ARHGEF33: variants seen among roughly 807,000 people sequenced by gnomAD.
ARHGEF33 encodes Rho guanine nucleotide exchange factor 33, also known as DH and coiled-coil domain-containing protein ENSP00000381780.
In ARHGEF33, 72 loss-of-function variants were observed where a neutral mutation model predicts 101.9. The ratio of observed to expected loss-of-function variants is 0.71; its 90% CI spans 0.58 to 0.86. The LOEUF (loss-of-function observed/expected upper bound fraction) is 0.86. Ranked by LOEUF, ARHGEF33 falls within the 40% of genes least tolerant of loss-of-function variation. ARHGEF33 has a pLI of 0.00. For synonymous variants in ARHGEF33, 499 were observed against 442.5 expected (o/e 1.13, Z -1.60); for missense variants, 1,169 against 1,111.3 (o/e 1.05, Z -0.74).
intron 7 of ARHGEF33, among the ~76,000 whole-genome samples, chr2:38,933,264 G>A (rs551096997): frequency 6.6e-6 from 1 of 152,280 alleles, no homozygotes; most frequent in South Asian, 2.1e-4. Context: ...GCAGGCTCCA[G>A]TTCTTGTAAC....
intron 17 of ARHGEF33, chr2:38,973,095 C>T (rs1183607791): frequency 6.6e-6 from 1 of 152,266 alleles, no homozygotes; most frequent in Non-Finnish European, 1.5e-5. Context: ...GAAGAATGCA[C>T]CCTCGACTGG....
Position 38,954,693 on chromosome 2 carries a change from G to T in ARHGEF33, c.1221+237G>T, listed in dbSNP as rs936848084. On this transcript the variant is annotated intron_variant, in intron 13 of 17. Coordinates refer to ENST00000409978, the MANE Select transcript of ARHGEF33 (RefSeq NM_001145451.5). The stretch of plus-strand genomic sequence containing the variant: ...CTGTCACCCAGGCTGGAGTACAGTG[G>T]TGTGATCTAGGCTCACTGCAACCTC... Among the ~76,000 whole-genome samples, 16 of 147,874 alleles carry T rather than the reference G, an allele frequency of 1.1e-4. 1 individual carries two copies. The East Asian group carries it at 2.8e-3, about 26-fold the overall frequency.
At chr2:38,968,795 G>C (rs142738189) in intron 17 of ARHGEF33, among the ~76,000 whole-genome samples, 145 of 152,348 alleles carry the variant, frequency 9.5e-4, no homozygotes, top group African/African-American at 3.3e-3. Flanking sequence ...TGGCTTTTTA[G>C]ATCTGGCCTA....
At chr2:38,945,972 C>G (rs1301180866) in intron 10 of ARHGEF33, among the ~76,000 whole-genome samples, 3 of 152,218 alleles carry the variant, frequency 2.0e-5, no homozygotes, top group Non-Finnish European at 4.4e-5. Context: ...CATCATACCA[C>G]TTCCCCAAAG....
At position 38,907,989 on chromosome 2, in the gene ARHGEF33, G is replaced by A. The variant is rs189645866; in HGVS notation, c.-85-11374G>A. ...TCCTCCCACCTCAGCCTCTCAACTT[G>A]CTGGGACTACAGGTGCATGCCAACA... On this transcript the variant is annotated intron_variant, in intron 2 of 17. Transcript: ENST00000409978. 2.9e-3 allele frequency among the ~76,000 whole-genome samples: 438 copies of A among 151,096 alleles called. 1 individual carries two copies. Among genetic ancestry groups the A allele is most frequent in the Non-Finnish European group, 4.8e-3 (323 of 67,852 alleles).
At chr2:38,964,965 G>T (rs1668021941) in intron 16 of ARHGEF33, among the ~76,000 whole-genome samples, 1 of 151,866 alleles carries the variant, frequency 6.6e-6, no homozygotes, top group South Asian at 2.1e-4. Context: ...TAGCTCCATG[G>T]TCTAGTTATG....
chr2:38,928,767 C>A, intron 4 of ARHGEF33, 140 bp from the exon 5 acceptor site: 2 of 715,296 alleles, frequency 2.8e-6, no homozygotes, highest in Non-Finnish European at 2.2e-6. Context: ...CTTAAGTTGT[C>A]CAAAGTGAAG....
Position 38,913,770 on chromosome 2 carries a change from G to GA in ARHGEF33, c.-85-5581dup, listed in dbSNP as rs539922559. Among the ~76,000 whole-genome samples, 170 of 131,772 alleles carry GA rather than the reference G, an allele frequency of 1.3e-3. 1 individual carries two copies. The highest frequency in any genetic ancestry group is 2.2e-3 in the African/African-American group (78 of 35,672). 86.4% of individuals were successfully genotyped at this position (131,772 alleles called of 152,430 possible). A position where few individuals can be genotyped will look rare whatever the true frequency, so the allele number is the denominator to read the frequency against. On this transcript the variant is annotated intron_variant, in intron 2 of 17. Coordinates refer to ENST00000409978, the MANE Select transcript of ARHGEF33 (RefSeq NM_001145451.5). ...GGGGACAGAGTAAGACTCTGTCTCA[G>GA]AAAAAAAAAAAATAAAAAGAATATT...
At chr2:38,956,808 C>T in intron 13 of ARHGEF33, 91 bp from the exon 14 acceptor site, 4 of 1,407,194 alleles carry the variant, frequency 2.8e-6, no homozygotes, top group Non-Finnish European at 3.9e-6. Context: ...GGCTATGAAT[C>T]TCCCACAATA....
chr2:38,917,530 CA>C (rs2124990002), intron 2 of ARHGEF33, among the ~76,000 whole-genome samples: 1 of 152,118 alleles, frequency 6.6e-6, no homozygotes, highest in East Asian at 1.9e-4. Context: ...CATTTCTATC[CA>C]AAAAAGTTTC....
At chr2:38,933,725 C>T (rs190360900) in intron 7 of ARHGEF33, among the ~76,000 whole-genome samples, 7 of 152,204 alleles carry the variant, frequency 4.6e-5, no homozygotes, top group South Asian at 2.1e-4. Context: ...TTTTTTCTGT[C>T]ATATTCTATT....
intron 2 of ARHGEF33, among the ~76,000 whole-genome samples, chr2:38,918,329 C>A (rs915996710): frequency 1.4e-4 from 22 of 152,268 alleles, no homozygotes; most frequent in African/African-American, 5.1e-4. Flanking sequence ...TTTGCAACTG[C>A]CAGTGTTAAT....
intron 1 of ARHGEF33, among the ~76,000 whole-genome samples, chr2:38,895,486 G>T (rs1369720223): frequency 6.6e-6 from 1 of 152,084 alleles, no homozygotes; most frequent in Non-Finnish European, 1.5e-5. Context: ...TGGAGTTCTC[G>T]AGCTATGTTT....
intron 17 of ARHGEF33, among the ~76,000 whole-genome samples, chr2:38,972,656 C>A (rs1404433885): frequency 6.6e-6 from 1 of 152,100 alleles, no homozygotes; most frequent in Non-Finnish European, 1.5e-5. Context: ...TTGAATTCTG[C>A]CCATTAATTC....
chr2:38,908,262 A>G (rs984129123), intron 2 of ARHGEF33, among the ~76,000 whole-genome samples: 1 of 152,178 alleles, frequency 6.6e-6, no homozygotes, highest in Non-Finnish European at 1.5e-5. Flanking sequence ...AAGAAAAGAG[A>G]TGAAGAATAT....
In ARHGEF33 at chr2:38,929,775, A is replaced by C; in HGVS notation, c.307A>C (p.Lys103Gln). The C allele has an allele frequency of 6.4e-7, 1 of 1,551,860 alleles. No homozygotes were observed. The highest frequency in any genetic ancestry group is 8.7e-7 in the Non-Finnish European group (1 of 1,146,880). Residue 103 changes from lysine (K) to glutamine (Q), a missense_variant, in exon 6 of 18, where the codon AAA (lysine) becomes CAA (glutamine). Transcript: ENST00000409978. ...ITSKQEEMQQ[K>Q]IEQLQQEKRR... is the part of the protein sequence containing the mutation. ...TTCCAAACAAGAAGAAATGCAACAG[A>C]AAATCGAGCAGCTTCAACAGGAGAA...
chr2:38,973,550 C>T (rs996334317), intron 17 of ARHGEF33, among the ~76,000 whole-genome samples, 164 bp from the exon 18 acceptor site: 1 of 152,120 alleles, frequency 6.6e-6, no homozygotes, highest in African/African-American at 2.4e-5. Context: ...CAATGCAAAT[C>T]TTAGATACAC....
intron 9 of ARHGEF33, among the ~76,000 whole-genome samples, chr2:38,942,562 T>TATTTAAACTTTTTTAAATTTTAG (rs1221277393): frequency 6.6e-6 from 1 of 151,828 alleles, no homozygotes; most frequent in Non-Finnish European, 1.5e-5. Flanking sequence ...TAAAAGTTTC[T>TATTTAAACTTTTTTAAATTTTAG]CCTTTTTAAA....
At chr2:38,929,672 T>C in intron 5 of ARHGEF33, 37 bp from the exon 6 acceptor site, 1 of 1,536,726 alleles carries the variant, frequency 6.5e-7, no homozygotes, top group East Asian at 2.5e-5. Flanking sequence ...TTTTACCCCA[T>C]GTACCACGTT....
Sources: gnomAD v4.1 joint callset for allele counts (sites outside exome capture counted in the v4.1 genomes callset) on GRCh38, gnomAD v4.1.1 for gene constraint, MANE v1.5 for transcripts, NCBI Gene and HGNC (gene_info 2026-07-23, HGNC 2026-07-21) for gene names.